Variants in CFAP210 observed in about 807,000 individuals in gnomAD.
CFAP210 encodes the protein cilia and flagella associated protein 210, also known as cilia- and flagella- associated protein 210.
At chr2:169,645,994 T>G in the CFAP210 span, 3 of 1,613,946 alleles carry the variant, frequency 1.9e-6, no homozygotes, top group Non-Finnish European at 2.5e-6. Context: ...CACGGCCACC[T>G]CCAGGTCCTT....
chr2:169,648,117 C>T, the CFAP210 span: 1 of 156,912 alleles, frequency 6.4e-6, no homozygotes, highest in Non-Finnish European at 1.2e-5. Context: ...GAGTGGGTAT[C>T]ATGCCACTGC....
At chr2:169,669,792 A>G in the CFAP210 span, among the ~76,000 whole-genome samples, 2 of 150,076 alleles carry the variant, frequency 1.3e-5, no homozygotes, top group African/African-American at 4.9e-5. Context: ...AAAAAAAAAA[A>G]ATGCCGCTGG....
At chr2:169,675,826 C>T in the CFAP210 span, among the ~76,000 whole-genome samples, 1 of 152,098 alleles carries the variant, frequency 6.6e-6, no homozygotes, top group Non-Finnish European at 1.5e-5. Context: ...CCTTTTGCTC[C>T]TTTAAAAAAC....
the CFAP210 span, among the ~76,000 whole-genome samples, chr2:169,665,445 C>T: frequency 6.6e-6 from 1 of 151,462 alleles, no homozygotes; most frequent in Non-Finnish European, 1.5e-5. Flanking sequence ...GAACTACAGG[C>T]ATGCATCACC....
At chr2:169,663,756 C>T in the CFAP210 span, among the ~76,000 whole-genome samples, 3 of 149,932 alleles carry the variant, frequency 2.0e-5, no homozygotes, top group Non-Finnish European at 4.4e-5. Flanking sequence ...CACTGTTGGC[C>T]AATGCTAAAC....
chr2:169,681,265 C>T, the CFAP210 span: 1 of 1,474,774 alleles, frequency 6.8e-7, no homozygotes, highest in Non-Finnish European at 9.3e-7. Context: ...TTATTAAAGA[C>T]TTACGGGAAC....
the CFAP210 span, among the ~76,000 whole-genome samples, chr2:169,668,905 T>TC: frequency 6.6e-6 from 1 of 152,180 alleles, no homozygotes; most frequent in Non-Finnish European, 1.5e-5. Context: ...GACATGCTGT[T>TC]GAACAAATGG....
At chr2:169,680,964 T>C in the CFAP210 span, 1 of 1,502,434 alleles carries the variant, frequency 6.7e-7, no homozygotes, top group Non-Finnish European at 9.2e-7. Context: ...GAAACAAGAG[T>C]AAGTCTTCAG....
At chr2:169,678,833 T>TA in the CFAP210 span, among the ~76,000 whole-genome samples, 1 of 149,340 alleles carries the variant, frequency 6.7e-6, no homozygotes, top group African/African-American at 2.5e-5. Context: ...TCAAAAAAAA[T>TA]AAAAATAAAA....
chr2:169,652,790 T>A, the CFAP210 span, among the ~76,000 whole-genome samples: 1 of 149,552 alleles, frequency 6.7e-6, no homozygotes, highest in Non-Finnish European at 1.5e-5. Context: ...GGTCAGGAGA[T>A]CGAGACCATC....
the CFAP210 span, among the ~76,000 whole-genome samples, chr2:169,671,514 G>C: frequency 6.6e-6 from 1 of 152,172 alleles, no homozygotes. Context: ...TGTTGCCCAG[G>C]CTGGAGTACA....
At chr2:169,673,916 T>C in the CFAP210 span, among the ~76,000 whole-genome samples, 6 of 152,226 alleles carry the variant, frequency 3.9e-5, no homozygotes, top group Non-Finnish European at 5.9e-5. Flanking sequence ...CATGGCTATA[T>C]ACCAAAACAG....
the CFAP210 span, chr2:169,662,236 A>T: frequency 6.3e-7 from 1 of 1,577,338 alleles, no homozygotes; most frequent in Non-Finnish European, 8.6e-7. Context: ...AAAGTTGGGC[A>T]TTTGACTTTG....
chr2:169,645,730 C>T, the CFAP210 span: 2 of 706,360 alleles, frequency 2.8e-6, no homozygotes, highest in Non-Finnish European at 4.6e-6. Flanking sequence ...TCAATTAAAT[C>T]AGACATAATT....
chr2:169,678,582 T>C, the CFAP210 span, among the ~76,000 whole-genome samples: 1 of 152,122 alleles, frequency 6.6e-6, no homozygotes, highest in Non-Finnish European at 1.5e-5. Context: ...CCCGGCACTT[T>C]GGGAGGCCAA....
the CFAP210 span, among the ~76,000 whole-genome samples, chr2:169,676,841 C>T: frequency 6.6e-6 from 1 of 152,144 alleles, no homozygotes; most frequent in Admixed American, 6.6e-5. Flanking sequence ...TTATGCCTAT[C>T]TGTAGTTTTA....
the CFAP210 span, among the ~76,000 whole-genome samples, chr2:169,669,511 C>G: frequency 6.6e-6 from 1 of 152,078 alleles, no homozygotes; most frequent in South Asian, 2.1e-4. Context: ...GAGACTGATA[C>G]AACAACCCAT....
the CFAP210 span, among the ~76,000 whole-genome samples, chr2:169,692,625 AT>A: frequency 9.4e-3 from 1,425 of 152,174 alleles, 28 homozygotes; most frequent in African/African-American, 0.032. Context: ...ACCTTCCAAC[AT>A]TTTTACATTG....
chr2:169,647,337 C>CAATG, the CFAP210 span, among the ~76,000 whole-genome samples: 1 of 151,854 alleles, frequency 6.6e-6, no homozygotes, highest in Non-Finnish European at 1.5e-5. Flanking sequence ...AAGGAAGTGA[C>CAATG]AATGGAAGGA....
Sources: gnomAD v4.1 joint callset for allele counts (sites outside exome capture counted in the v4.1 genomes callset) on GRCh38, gnomAD v4.1.1 for gene constraint, MANE v1.5 for transcripts, NCBI Gene and HGNC (gene_info 2026-07-23, HGNC 2026-07-21) for gene names.